BLTP1: variants seen among roughly 807,000 people sequenced by gnomAD.
BLTP1 encodes the protein bridge-like lipid transfer protein family member 1.
the BLTP1 span, chr4:122,209,161 A>G: frequency 6.2e-7 from 1 of 1,600,618 alleles, no homozygotes; most frequent in Non-Finnish European, 8.5e-7. Context: ...TTTTTTAGGG[A>G]GAAGATGTTG....
the BLTP1 span, chr4:122,249,286 T>A: frequency 1.7e-5 from 10 of 604,540 alleles, no homozygotes; most frequent in African/African-American, 2.0e-5. Context: ...GAGCAACTTG[T>A]TAATCATAAA....
the BLTP1 span, chr4:122,347,474 T>C: frequency 3.2e-6 from 5 of 1,573,522 alleles, no homozygotes; most frequent in Non-Finnish European, 4.3e-6. Flanking sequence ...ATAGGGATTT[T>C]ACCCTGTTAC....
At chr4:122,196,667 A>C in the BLTP1 span, 1 of 1,609,936 alleles carries the variant, frequency 6.2e-7, no homozygotes, top group Non-Finnish European at 8.5e-7. Context: ...TTTCCACCTG[A>C]CTATCAAGTT....
the BLTP1 span, among the ~76,000 whole-genome samples, chr4:122,205,724 A>G: frequency 6.7e-6 from 1 of 148,226 alleles, no homozygotes; most frequent in East Asian, 2.0e-4. Flanking sequence ...CTCTCTCTCT[A>G]AAGTCTGTGC....
the BLTP1 span, among the ~76,000 whole-genome samples, chr4:122,304,200 A>G: frequency 0.087 from 13,224 of 152,070 alleles, 1,084 homozygotes; most frequent in East Asian, 0.31. Flanking sequence ...GATTGTTGGC[A>G]TTTTTTAGCA....
At chr4:122,362,008 AAT>A in the BLTP1 span, 522,543 of 1,598,980 alleles carry the variant, frequency 0.33, 90,687 homozygotes, top group East Asian at 0.46. Flanking sequence ...ACTCCTTAAT[AAT>A]AACTGTAATT....
the BLTP1 span, among the ~76,000 whole-genome samples, chr4:122,354,191 A>G: frequency 6.6e-6 from 1 of 152,240 alleles, no homozygotes; most frequent in South Asian, 2.1e-4. Context: ...GTAATGTGGC[A>G]TCTCATGGAC....
the BLTP1 span, chr4:122,182,789 C>T: frequency 1.0e-6 from 1 of 985,296 alleles, no homozygotes; most frequent in Middle Eastern, 5.2e-4. Flanking sequence ...TGCATCTGCT[C>T]TACCAAATCG....
chr4:122,221,474 C>T, the BLTP1 span, among the ~76,000 whole-genome samples: 1 of 152,156 alleles, frequency 6.6e-6, no homozygotes, highest in African/African-American at 2.4e-5. Context: ...ACTCTTTACC[C>T]AGTTTTTTTC....
the BLTP1 span, among the ~76,000 whole-genome samples, chr4:122,192,010 T>C: frequency 6.6e-6 from 1 of 152,154 alleles, no homozygotes; most frequent in African/African-American, 2.4e-5. Context: ...CATGAGTTTA[T>C]TTTTAAAATA....
the BLTP1 span, chr4:122,263,964 A>C: frequency 2.7e-6 from 1 of 372,766 alleles, no homozygotes; most frequent in Non-Finnish European, 3.7e-6. Context: ...AATAACTATC[A>C]TTCTAAACCT....
the BLTP1 span, among the ~76,000 whole-genome samples, chr4:122,296,093 G>A: frequency 2.0e-5 from 3 of 152,116 alleles, no homozygotes; most frequent in African/African-American, 4.8e-5. Flanking sequence ...AGGGCAGTCC[G>A]GCAAGAGAAA....
At chr4:122,350,066 A>C in the BLTP1 span, 24 of 1,613,428 alleles carry the variant, frequency 1.5e-5, no homozygotes, top group Non-Finnish European at 2.0e-5. Flanking sequence ...AAAAGTTCAC[A>C]AGAACAATGT....
At chr4:122,327,331 C>T in the BLTP1 span, among the ~76,000 whole-genome samples, 1 of 151,718 alleles carries the variant, frequency 6.6e-6, no homozygotes, top group Non-Finnish European at 1.5e-5. Context: ...CTCCCATATA[C>T]ATTAAATCAT....
chr4:122,281,353 A>G, the BLTP1 span: 5 of 977,800 alleles, frequency 5.1e-6, no homozygotes, highest in Non-Finnish European at 6.1e-6. Flanking sequence ...TTTCTTGTCT[A>G]CTTTTCCATA....
At chr4:122,219,618 G>A in the BLTP1 span, 4 of 1,296,842 alleles carry the variant, frequency 3.1e-6, no homozygotes, top group African/African-American at 2.9e-5. Flanking sequence ...ACATCCACCT[G>A]TGTATAGATG....
the BLTP1 span, chr4:122,351,318 C>A: frequency 1.4e-5 from 9 of 630,012 alleles, no homozygotes; most frequent in Non-Finnish European, 1.8e-5. Flanking sequence ...CTGTGAACAC[C>A]TTAGAGCATA....
chr4:122,327,215 A>G, the BLTP1 span, among the ~76,000 whole-genome samples: 1 of 150,386 alleles, frequency 6.6e-6, no homozygotes, highest in Admixed American at 6.6e-5. Context: ...TCATCTCTCA[A>G]TATCTGTGGG....
At chr4:122,251,400 G>T in the BLTP1 span, 1 of 898,284 alleles carries the variant, frequency 1.1e-6, no homozygotes, top group Non-Finnish European at 1.3e-6. Flanking sequence ...AGTAATCATG[G>T]GTATACTCAC....
Sources: gnomAD v4.1 joint callset for allele counts (sites outside exome capture counted in the v4.1 genomes callset) on GRCh38, gnomAD v4.1.1 for gene constraint, MANE v1.5 for transcripts, NCBI Gene and HGNC (gene_info 2026-07-23, HGNC 2026-07-21) for gene names.